Variants in ADAMTS6 observed in about 807,000 individuals in gnomAD.
ADAMTS6 encodes A disintegrin and metalloproteinase with thrombospondin motifs 6.
Under a neutral mutation model 144.3 loss-of-function variants are expected in ADAMTS6, and 23 were observed. The ratio of observed to expected loss-of-function variants is 0.16; its 90% CI spans 0.11 to 0.23. The LOEUF (loss-of-function observed/expected upper bound fraction) is 0.23. Among genes scored for constraint, ADAMTS6 ranks in the 10% least tolerant of loss-of-function variants. ADAMTS6 has a pLI of 1.00. For missense variants in ADAMTS6, 999 were observed against 1,379.6 expected (o/e 0.72, Z 4.37); for synonymous variants, 444 against 457.5 (o/e 0.97, Z 0.38).
chr5:65,206,768 C>G (rs887782389), intron 20 of ADAMTS6, among the ~76,000 whole-genome samples: 7 of 149,334 alleles, frequency 4.7e-5, no homozygotes, highest in Non-Finnish European at 1.0e-4. Flanking sequence ...TTTGTCCTAG[C>G]TCAAAAAAAA....
chr5:65,407,758 A>G (rs1183639082), intron 7 of ADAMTS6, among the ~76,000 whole-genome samples: 1 of 152,152 alleles, frequency 6.6e-6, no homozygotes, highest in Non-Finnish European at 1.5e-5. Flanking sequence ...GTATATACCC[A>G]AAGGATTATA....
intron 7 of ADAMTS6, among the ~76,000 whole-genome samples, chr5:65,403,731 G>C (rs918834831): frequency 6.6e-6 from 1 of 152,028 alleles, no homozygotes; most frequent in Admixed American, 6.6e-5. Flanking sequence ...ACGTAAAAAA[G>C]TTACATGTAA....
At chr5:65,246,771 G>A (rs1416658302) in intron 14 of ADAMTS6, among the ~76,000 whole-genome samples, 2 of 152,106 alleles carry the variant, frequency 1.3e-5, no homozygotes, top group East Asian at 3.9e-4. Flanking sequence ...CCACGCCATT[G>A]TTTCTAGAAT....
chr5:65,265,559 G>A (rs1365436739), intron 12 of ADAMTS6, among the ~76,000 whole-genome samples: 3 of 151,758 alleles, frequency 2.0e-5, no homozygotes, highest in Admixed American at 2.0e-4. Context: ...GTATAGTCCT[G>A]GCCAGCAATT....
At chr5:65,418,417 C>G (rs1018546211) in intron 7 of ADAMTS6, among the ~76,000 whole-genome samples, 1 of 152,042 alleles carries the variant, frequency 6.6e-6, no homozygotes, top group Non-Finnish European at 1.5e-5. Flanking sequence ...AAAAAACTAT[C>G]AACAGATTTA....
chr5:65,235,688 A>T (rs1486518431), intron 15 of ADAMTS6, among the ~76,000 whole-genome samples: 3 of 152,072 alleles, frequency 2.0e-5, no homozygotes, highest in African/African-American at 7.2e-5. Context: ...CAATTTTGAA[A>T]CTCAGACTGG....
At chr5:65,442,742 G>A (rs1757960364) in intron 7 of ADAMTS6, among the ~76,000 whole-genome samples, 1 of 152,062 alleles carries the variant, frequency 6.6e-6, no homozygotes. Context: ...GTAGACATGT[G>A]CCATGGTGGT....
chr5:65,393,817 A>G (rs1580587371), intron 7 of ADAMTS6, among the ~76,000 whole-genome samples: 1 of 152,164 alleles, frequency 6.6e-6, no homozygotes, highest in African/African-American at 2.4e-5. Context: ...TTCCAAAATG[A>G]TGTTGATTTT....
At chr5:65,416,112 G>T in intron 7 of ADAMTS6, 1 of 193,884 alleles carries the variant, frequency 5.2e-6, no homozygotes, top group South Asian at 1.1e-4. Context: ...CCTCCGGAAG[G>T]AGACTGTATT....
At chr5:65,346,705 A>G (rs1748351210) in intron 7 of ADAMTS6, among the ~76,000 whole-genome samples, 1 of 151,844 alleles carries the variant, frequency 6.6e-6, no homozygotes, top group Admixed American at 6.6e-5. Flanking sequence ...TGAAAGAAAG[A>G]CATAAAATCG....
intron 24 of ADAMTS6, among the ~76,000 whole-genome samples, chr5:65,160,552 C>A (rs539742584): frequency 6.6e-6 from 1 of 152,144 alleles, no homozygotes; most frequent in Admixed American, 6.5e-5. Context: ...GATCTGCCCG[C>A]CTCGCCCTCC....
chr5:65,470,249 A>G (rs1474351900), intron 3 of ADAMTS6, among the ~76,000 whole-genome samples: 1 of 152,198 alleles, frequency 6.6e-6, no homozygotes, highest in Non-Finnish European at 1.5e-5. Context: ...AACTAAAATA[A>G]GATTTATATC....
intron 7 of ADAMTS6, among the ~76,000 whole-genome samples, chr5:65,390,345 A>C (rs1437780791): frequency 6.6e-6 from 1 of 152,202 alleles, no homozygotes; most frequent in African/African-American, 2.4e-5. Context: ...AGAAAAAAAT[A>C]AGTAAAAAAG....
Position 65,214,601 on chromosome 5 carries a change from A to C in ADAMTS6, c.2575+193T>G. 5 of 751,218 alleles carry C rather than the reference A, an allele frequency of 6.7e-6. No homozygotes were observed. The South Asian group carries it at 6.9e-5, about 10-fold the overall frequency. 46.5% of individuals were successfully genotyped at this position (751,218 alleles called of 1,614,324 possible). A position where few individuals can be genotyped will look rare whatever the true frequency, so the allele number is the denominator to read the frequency against. On this transcript the variant is annotated intron_variant, in intron 20 of 24. Transcript: ENST00000381055. This position sits in a 1 kb window ranked among gnomAD's most constrained non-coding sequence, Gnocchi z 4.6. ...AGATGTATTTTACCAACAAATCTGCACAAATTACATGAGGTTGAAAACAAA... is the reference window on the plus strand; with the variant it reads ...AGATGTATTTTACCAACAAATCTGCCCAAATTACATGAGGTTGAAAACAAA...
chr5:65,331,129 G>C (rs1746679208), intron 8 of ADAMTS6, among the ~76,000 whole-genome samples: 1 of 151,888 alleles, frequency 6.6e-6, no homozygotes, highest in African/African-American at 2.4e-5. Context: ...GTTCAATGTG[G>C]CCTATTATAT....
At chr5:65,181,799 C>T (rs189206509) in intron 22 of ADAMTS6, among the ~76,000 whole-genome samples, 5 of 152,284 alleles carry the variant, frequency 3.3e-5, no homozygotes, top group Admixed American at 6.5e-5. Context: ...AGGATGTATA[C>T]GGAACTCAGT....
chr5:65,316,298 T>C (rs1580372809), intron 9 of ADAMTS6, among the ~76,000 whole-genome samples: 2 of 152,192 alleles, frequency 1.3e-5, no homozygotes, highest in East Asian at 3.8e-4. Context: ...TTAGTTGACC[T>C]GAACAGCACC....
intron 18 of ADAMTS6, among the ~76,000 whole-genome samples, chr5:65,218,211 A>C (rs1757068072): frequency 6.6e-6 from 1 of 152,224 alleles, no homozygotes; most frequent in African/African-American, 2.4e-5. Context: ...CTGCATTTCA[A>C]TCACCAGGCC....
At chr5:65,318,147 A>C (rs1234980390) in intron 9 of ADAMTS6, among the ~76,000 whole-genome samples, 3 of 152,102 alleles carry the variant, frequency 2.0e-5, no homozygotes, top group Non-Finnish European at 4.4e-5. Flanking sequence ...ATAATTGATC[A>C]TCAGAGAAAT....
Sources: allele counts gnomAD v4.1 joint callset (sites outside exome capture counted in the v4.1 genomes callset), GRCh38; gene constraint gnomAD v4.1.1; non-coding constraint Gnocchi (gnomAD v3.1); transcripts MANE v1.5; gene names NCBI Gene and HGNC (gene_info 2026-07-23, HGNC 2026-07-21).